Variants in CRACD observed in about 807,000 individuals in gnomAD.
CRACD encodes capping protein-inhibiting regulator of actin dynamics.
Under a neutral mutation model 106.8 loss-of-function variants are expected in CRACD, and 56 were observed. The ratio of observed to expected loss-of-function variants is 0.52; its 90% CI spans 0.42 to 0.66. The LOEUF is 0.66. CRACD is among the 30% of genes least tolerant of loss of function. CRACD has a pLI of 0.00. For synonymous variants in CRACD, 754 were observed against 670.8 expected (o/e 1.12, Z -1.92); for missense variants, 1,730 against 1,623.2 (o/e 1.07, Z -1.13).
At chr4:56,310,503 G>C (rs1560530991) in intron 5 of CRACD, among the ~76,000 whole-genome samples, 163 bp from the exon 6 acceptor site, 1 of 152,160 alleles carries the variant, frequency 6.6e-6, no homozygotes, top group Non-Finnish European at 1.5e-5. Context: ...GTGGAGTTTG[G>C]ATATTAGCAT....
chr4:56,290,244 A>G (rs1743629754), intron 3 of CRACD, among the ~76,000 whole-genome samples: 1 of 152,206 alleles, frequency 6.6e-6, no homozygotes, highest in Admixed American at 6.5e-5. Context: ...GATTTCTGAA[A>G]GTGAAAGCAC....
chr4:56,216,313 G>C (rs533279921), intron 2 of CRACD: 2 of 152,148 alleles, frequency 1.3e-5, no homozygotes, highest in Non-Finnish European at 2.9e-5. Context: ...TTTTTCTTCA[G>C]CCTTCTGTTC....
intron 2 of CRACD, among the ~76,000 whole-genome samples, chr4:56,228,141 C>G (rs557648622): frequency 6.6e-6 from 1 of 152,244 alleles, no homozygotes; most frequent in East Asian, 1.9e-4. Context: ...CCCCCTAACC[C>G]CGGTCATTTC....
chr4:56,252,315 C>T (rs368637286), intron 2 of CRACD, among the ~76,000 whole-genome samples: 53 of 152,312 alleles, frequency 3.5e-4, no homozygotes, highest in Non-Finnish European at 6.3e-4. Context: ...ACTCTTTGAA[C>T]GCCTAGGTAC....
intron 10 of CRACD, among the ~76,000 whole-genome samples, chr4:56,325,222 C>T (rs1184718298): frequency 6.6e-6 from 1 of 152,092 alleles, no homozygotes; most frequent in South Asian, 2.1e-4. Context: ...GTAGTCCCAC[C>T]TACTTGGGAG....
intron 1 of CRACD, among the ~76,000 whole-genome samples, chr4:56,116,569 A>G (rs1734289881): frequency 6.6e-6 from 1 of 152,076 alleles, no homozygotes; most frequent in Non-Finnish European, 1.5e-5. Context: ...ATCAATTTCA[A>G]CCCTCATCAA....
intron 1 of CRACD, among the ~76,000 whole-genome samples, chr4:56,087,706 A>G (rs1733276882): frequency 6.6e-6 from 1 of 152,180 alleles, no homozygotes; most frequent in Admixed American, 6.5e-5. Flanking sequence ...AACTGGTTCA[A>G]TGCCCACAGA....
chr4:56,054,375 T>C (rs750388156), intron 1 of CRACD, among the ~76,000 whole-genome samples: 2 of 152,080 alleles, frequency 1.3e-5, no homozygotes, highest in African/African-American at 2.4e-5. Flanking sequence ...GTGGTCTCTC[T>C]CTGTTTCCTA....
chr4:56,125,640 T>C (rs973580809), intron 1 of CRACD, among the ~76,000 whole-genome samples: 1 of 152,066 alleles, frequency 6.6e-6, no homozygotes, highest in Non-Finnish European at 1.5e-5. Flanking sequence ...TTGTCTTGCA[T>C]TCTTAGCCTC....
chr4:56,068,077 C>G (rs1732521885), intron 1 of CRACD, among the ~76,000 whole-genome samples: 1 of 152,034 alleles, frequency 6.6e-6, no homozygotes, highest in South Asian at 2.1e-4. Flanking sequence ...GGTCATGGCC[C>G]AGAGTTGGGG....
intron 5 of CRACD, among the ~76,000 whole-genome samples, chr4:56,307,909 G>A (rs1744847451): frequency 1.3e-5 from 2 of 152,326 alleles, no homozygotes; most frequent in Non-Finnish European, 1.5e-5. Context: ...TTTGCAGGCG[G>A]TCTTCCCAGT....
intron 8 of CRACD, chr4:56,320,962 T>A (rs1746063295): frequency 5.3e-6 from 1 of 189,896 alleles, no homozygotes; most frequent in African/African-American, 2.3e-5. Flanking sequence ...AATTCCACAT[T>A]GTGGTCTTTC....
chr4:56,269,057 A>G (rs552513107), intron 2 of CRACD, among the ~76,000 whole-genome samples: 1 of 152,340 alleles, frequency 6.6e-6, no homozygotes, highest in African/African-American at 2.4e-5. Flanking sequence ...TTGCATTGTT[A>G]TAAAGAAATT....
intron 8 of CRACD, among the ~76,000 whole-genome samples, chr4:56,318,827 A>T (rs1440593808): frequency 6.6e-6 from 1 of 152,210 alleles, no homozygotes; most frequent in East Asian, 1.9e-4. Context: ...TTATTTGTTG[A>T]TTGTATACAT....
chr4:56,071,855 C>T (rs895870941), intron 1 of CRACD, among the ~76,000 whole-genome samples: 2 of 149,430 alleles, frequency 1.3e-5, no homozygotes, highest in African/African-American at 4.9e-5. Flanking sequence ...GGGCCGGGCG[C>T]GGTGGCTCAC....
rs142922229 is a variant in CRACD, at chr4:56,300,768, C to T, written c.120+2419C>T. Among the ~76,000 whole-genome samples, 25 of 152,198 alleles carry T rather than the reference C, an allele frequency of 1.6e-4. No individual in the cohort carries two copies. In the East Asian group the frequency reaches 4.2e-3, roughly 26 times the overall value. On this transcript the variant is annotated intron_variant, in intron 4 of 10. Transcript: ENST00000682029. The stretch of plus-strand genomic sequence containing the variant: ...CACATCATACCACATGCCACTGCCA[C>T]GCCAAGAAGTGGATTTAGTGTTGTA...
intron 2 of CRACD, among the ~76,000 whole-genome samples, chr4:56,205,232 G>A (rs2109481117): frequency 6.6e-6 from 1 of 152,136 alleles, no homozygotes; most frequent in East Asian, 1.9e-4. Flanking sequence ...AATAAGTAAT[G>A]CGTACACCCA....
intron 1 of CRACD, among the ~76,000 whole-genome samples, chr4:56,174,007 G>A (rs934068258): frequency 5.9e-5 from 9 of 152,290 alleles, no homozygotes; most frequent in Middle Eastern, 3.4e-3. Context: ...TGGAATTGAT[G>A]TATCTTCTTT....
intron 2 of CRACD, among the ~76,000 whole-genome samples, chr4:56,255,659 G>A (rs905810089): frequency 7.9e-5 from 12 of 152,202 alleles, no homozygotes; most frequent in Admixed American, 4.6e-4. Flanking sequence ...TAAATTTTAC[G>A]GGCCATCCAT....
Sources: gnomAD v4.1 joint callset for allele counts (sites outside exome capture counted in the v4.1 genomes callset) on GRCh38, gnomAD v4.1.1 for gene constraint, MANE v1.5 for transcripts, NCBI Gene and HGNC (gene_info 2026-07-23, HGNC 2026-07-21) for gene names.